BLTP1: variants seen among roughly 807,000 people sequenced by gnomAD.
The protein encoded by BLTP1 is fragile site-associated protein.
chr4:122,273,459 A>G, the BLTP1 span: 3 of 981,816 alleles, frequency 3.1e-6, no homozygotes, highest in South Asian at 1.4e-4. Context: ...TAAACAATAC[A>G]CAAATGCTCA....
the BLTP1 span, chr4:122,301,533 A>G: frequency 8.5e-6 from 4 of 469,310 alleles, no homozygotes; most frequent in Middle Eastern, 5.9e-4. Context: ...ACTCAGAGAA[A>G]AAGCTTTAAC....
At chr4:122,201,102 T>C in the BLTP1 span, 1 of 1,612,298 alleles carries the variant, frequency 6.2e-7, no homozygotes, top group East Asian at 2.2e-5. Context: ...CCACTTCATC[T>C]TTGCACAGAA....
the BLTP1 span, chr4:122,161,047 C>A: frequency 2.2e-6 from 1 of 459,816 alleles, no homozygotes; most frequent in Non-Finnish European, 2.9e-6. Context: ...AGTAATGGTG[C>A]TATGTGCTAA....
chr4:122,207,213 G>A, the BLTP1 span: 1 of 1,611,560 alleles, frequency 6.2e-7, no homozygotes, highest in Non-Finnish European at 8.5e-7. Flanking sequence ...AAATGATTTG[G>A]GCTGCTAATC....
the BLTP1 span, chr4:122,219,588 G>A: frequency 1.3e-6 from 2 of 1,555,708 alleles, no homozygotes; most frequent in Non-Finnish European, 1.8e-6. Flanking sequence ...ACACATGAAA[G>A]TAGTCTGGAA....
the BLTP1 span, among the ~76,000 whole-genome samples, chr4:122,202,903 A>G: frequency 6.6e-6 from 1 of 151,990 alleles, no homozygotes; most frequent in Non-Finnish European, 1.5e-5. Flanking sequence ...TTTTTTTAAT[A>G]AAATTTATTT....
At chr4:122,343,330 T>C in the BLTP1 span, 512,695 of 1,551,920 alleles carry the variant, frequency 0.33, 89,729 homozygotes, top group East Asian at 0.47. Context: ...TCTGAAGTCA[T>C]GTCTGGTTCT....
the BLTP1 span, chr4:122,223,124 C>A: frequency 9.4e-6 from 9 of 960,356 alleles, no homozygotes; most frequent in Non-Finnish European, 1.1e-5. Flanking sequence ...TATAAAGTCA[C>A]ACAGCTTGGA....
At chr4:122,203,901 T>A in the BLTP1 span, 1 of 446,352 alleles carries the variant, frequency 2.2e-6, no homozygotes, top group Non-Finnish European at 3.0e-6. Context: ...AATAACTTTA[T>A]AAAATTATAC....
the BLTP1 span, chr4:122,174,946 G>A: frequency 1.6e-6 from 1 of 643,896 alleles, no homozygotes; most frequent in Non-Finnish European, 1.9e-6. Flanking sequence ...GTTCATAGTA[G>A]TCATTCGTTA....
the BLTP1 span, chr4:122,292,565 C>T: frequency 0.023 from 20,664 of 880,354 alleles, 296 homozygotes; most frequent in South Asian, 0.062. Flanking sequence ...AGTATGTTAA[C>T]GAAGTATACT....
the BLTP1 span, among the ~76,000 whole-genome samples, chr4:122,268,466 A>G: frequency 1.3e-5 from 2 of 152,086 alleles, no homozygotes; most frequent in South Asian, 4.1e-4. Flanking sequence ...GTTTTTTGTC[A>G]GCATCACTTC....
At chr4:122,287,541 C>T in the BLTP1 span, 1 of 984,402 alleles carries the variant, frequency 1.0e-6, no homozygotes, top group African/African-American at 1.7e-5. Context: ...TGTGCTGTGT[C>T]TCAGCTTACC....
chr4:122,295,840 A>G, the BLTP1 span, among the ~76,000 whole-genome samples: 1 of 152,194 alleles, frequency 6.6e-6, no homozygotes, highest in South Asian at 2.1e-4. Flanking sequence ...AAACCACATG[A>G]TTATCTCAAT....
the BLTP1 span, chr4:122,325,535 A>T: frequency 8.1e-7 from 1 of 1,230,942 alleles, no homozygotes. Flanking sequence ...TACATTTTAC[A>T]TGCACAATAA....
At chr4:122,258,840 A>G in the BLTP1 span, 3 of 1,600,512 alleles carry the variant, frequency 1.9e-6, no homozygotes, top group Non-Finnish European at 1.7e-6. Flanking sequence ...CATTAAAAAT[A>G]AAGGTATATT....
At chr4:122,238,420 A>C in the BLTP1 span, 1 of 1,338,786 alleles carries the variant, frequency 7.5e-7, no homozygotes, top group Non-Finnish European at 1.0e-6. Context: ...TCTGGCAAGA[A>C]AAACTTCTTC....
chr4:122,253,604 GACAAAAGA>G, the BLTP1 span, among the ~76,000 whole-genome samples: 1 of 151,444 alleles, frequency 6.6e-6, no homozygotes, highest in Non-Finnish European at 1.5e-5. Flanking sequence ...ACATAGAGGA[GACAAAAGA>G]AAAAAGGAAT....
At chr4:122,296,278 C>G in the BLTP1 span, among the ~76,000 whole-genome samples, 2 of 152,114 alleles carry the variant, frequency 1.3e-5, no homozygotes, top group Non-Finnish European at 1.5e-5. Flanking sequence ...CAATAACAGG[C>G]AAGAAGAGAC....
Sources: allele counts gnomAD v4.1 joint callset (sites outside exome capture counted in the v4.1 genomes callset), GRCh38; gene constraint gnomAD v4.1.1; transcripts MANE v1.5; gene names NCBI Gene and HGNC (gene_info 2026-07-23, HGNC 2026-07-21).